The following RASGRF2 variants were observed in gnomAD, a reference collection of about 807,000 sequenced individuals.
RASGRF2 encodes Ras protein specific guanine nucleotide releasing factor 2.
In RASGRF2, 76 loss-of-function variants were observed where a neutral mutation model predicts 151.0. The observed-to-expected ratio is 0.50, with a 90% confidence interval of 0.42 to 0.61. RASGRF2 has a LOEUF of 0.61. Ranked by LOEUF, RASGRF2 falls within the 20% of genes least tolerant of loss-of-function variation. The probability of loss-of-function intolerance (pLI) is 0.00; values close to 1 mark genes in which losing one functional copy is unlikely to be tolerated. For synonymous variants in RASGRF2, 504 were observed against 566.5 expected, an observed-to-expected ratio of 0.89 and a Z score of 1.57; for missense variants, 1,148 against 1,564.6, an observed-to-expected ratio of 0.73 and a Z score of 4.49.
At chr5:81,020,420 A>G (rs1749786557) in intron 1 of RASGRF2, among the ~76,000 whole-genome samples, 1 of 152,182 alleles carries the variant, frequency 6.6e-6, no homozygotes. Context: ...CTGTGTAGTC[A>G]TCATCGTGTA....
At chr5:81,131,552 A>C (rs1314195836) in intron 17 of RASGRF2, among the ~76,000 whole-genome samples, 4 of 151,908 alleles carry the variant, frequency 2.6e-5, no homozygotes, top group Non-Finnish European at 5.9e-5. Context: ...ATGGGGTTTC[A>C]CCATGTTGGC....
At chr5:81,152,886 AG>A (rs1561233714) in intron 17 of RASGRF2, among the ~76,000 whole-genome samples, 1 of 152,146 alleles carries the variant, frequency 6.6e-6, no homozygotes, top group Non-Finnish European at 1.5e-5. Flanking sequence ...CTTTGTTGTC[AG>A]GGGGCACTGA....
intron 1 of RASGRF2, among the ~76,000 whole-genome samples, chr5:81,009,514 C>T (rs995526797): frequency 6.6e-6 from 1 of 152,158 alleles, no homozygotes; most frequent in Admixed American, 6.5e-5. Context: ...GCAAATATCC[C>T]TAAAGCAAGT....
At chr5:81,116,159 T>G (rs1450657035) in intron 15 of RASGRF2, among the ~76,000 whole-genome samples, 2 of 125,846 alleles carry the variant, frequency 1.6e-5, no homozygotes, top group African/African-American at 5.8e-5. Context: ...CTTGACTCAC[T>G]GCAACCTCTG....
intron 23 of RASGRF2, among the ~76,000 whole-genome samples, chr5:81,215,583 C>A (rs1475832152): frequency 1.3e-5 from 2 of 152,150 alleles, no homozygotes; most frequent in Admixed American, 1.3e-4. Flanking sequence ...CTTGTCAGTT[C>A]TTTAAGTGCC....
chr5:81,052,226 A>C (rs544026040), intron 2 of RASGRF2, among the ~76,000 whole-genome samples: 5 of 152,312 alleles, frequency 3.3e-5, no homozygotes, highest in Admixed American at 2.0e-4. Flanking sequence ...ATAATATAGT[A>C]CTATAAAAGA....
chr5:81,219,610 AC>A (rs1755815180), intron 25 of RASGRF2, 99 bp from the exon 26 acceptor site: 4 of 931,346 alleles, frequency 4.3e-6, no homozygotes, highest in Non-Finnish European at 6.8e-6. Context: ...GAAGGGACTG[AC>A]CCTTCTGGGA....
At chr5:81,145,466 C>T (rs1753984257) in intron 17 of RASGRF2, among the ~76,000 whole-genome samples, 1 of 152,130 alleles carries the variant, frequency 6.6e-6, no homozygotes, top group African/African-American at 2.4e-5. Flanking sequence ...GCTAAATTTC[C>T]CTTCTCTTTA....
chr5:81,222,001 G>C (rs1233244153), intron 26 of RASGRF2, among the ~76,000 whole-genome samples: 1 of 152,060 alleles, frequency 6.6e-6, no homozygotes, highest in African/African-American at 2.4e-5. Flanking sequence ...TGGAGGGGGA[G>C]AAAAAAGATG....
intron 21 of RASGRF2, among the ~76,000 whole-genome samples, chr5:81,207,646 T>A (rs1235809397): frequency 6.6e-6 from 1 of 152,218 alleles, no homozygotes; most frequent in African/African-American, 2.4e-5. Context: ...ATGCTGCATC[T>A]CACTTGTCCC....
At chr5:81,164,449 G>A (rs1187113379) in intron 17 of RASGRF2, among the ~76,000 whole-genome samples, 5 of 75,256 alleles carry the variant, frequency 6.6e-5, no homozygotes, top group Non-Finnish European at 1.6e-4. Flanking sequence ...ATTGGGCCAC[G>A]TTTGATGAAA....
At chr5:81,041,542 A>T (rs1459230646) in intron 1 of RASGRF2, among the ~76,000 whole-genome samples, 2 of 152,148 alleles carry the variant, frequency 1.3e-5, no homozygotes, top group Admixed American at 6.5e-5. Context: ...TCTGCTTTAG[A>T]ACTGTGATCT....
intron 12 of RASGRF2, among the ~76,000 whole-genome samples, chr5:81,106,141 T>G (rs1752838805): frequency 6.6e-6 from 1 of 152,242 alleles, no homozygotes; most frequent in Non-Finnish European, 1.5e-5. Flanking sequence ...GCTATGTTTT[T>G]TTCCTTTTAA....
At chr5:81,206,169 A>G (rs1403626464) in intron 19 of RASGRF2, among the ~76,000 whole-genome samples, 1 of 152,200 alleles carries the variant, frequency 6.6e-6, no homozygotes, top group Non-Finnish European at 1.5e-5. Context: ...TATTTAAGGT[A>G]TTAACTTGTG....
chr5:80,985,228 A>G (rs895186223), intron 1 of RASGRF2, among the ~76,000 whole-genome samples: 3 of 152,192 alleles, frequency 2.0e-5, no homozygotes, highest in African/African-American at 7.2e-5. Context: ...AATAACAACA[A>G]CAAAAACAAC....
chr5:81,070,939 T>C (rs550716088), intron 4 of RASGRF2, among the ~76,000 whole-genome samples: 1 of 152,346 alleles, frequency 6.6e-6, no homozygotes, highest in South Asian at 2.1e-4. Context: ...TTTAGTGTTA[T>C]TTAAGAAAGA....
At chr5:80,980,389 C>T (rs571307777) in intron 1 of RASGRF2, among the ~76,000 whole-genome samples, 1 of 152,214 alleles carries the variant, frequency 6.6e-6, no homozygotes, top group South Asian at 2.1e-4. Flanking sequence ...CCTGTAATCC[C>T]AGCATTTTGG....
chr5:81,195,463 T>C (rs2112702571), intron 18 of RASGRF2, among the ~76,000 whole-genome samples: 1 of 152,364 alleles, frequency 6.6e-6, no homozygotes. Flanking sequence ...ACAGGGACTT[T>C]TGAATGACCA....
intron 12 of RASGRF2, 120 bp from the exon 13 acceptor site, chr5:81,108,875 TG>T: frequency 1.1e-4 from 114 of 1,046,782 alleles, no homozygotes; most frequent in Non-Finnish European, 1.3e-4. Flanking sequence ...TGTGTGTGTG[TG>T]TGTGTAAGAG....
Sources: allele counts gnomAD v4.1 joint callset (sites outside exome capture counted in the v4.1 genomes callset), GRCh38; gene constraint gnomAD v4.1.1; transcripts MANE v1.5; gene names NCBI Gene and HGNC (gene_info 2026-07-23, HGNC 2026-07-21).